SFMBT2: variants seen among roughly 807,000 people sequenced by gnomAD.
SFMBT2 encodes the protein Scm like with four mbt domains 2.
In SFMBT2, 38 loss-of-function variants were observed where a neutral mutation model predicts 110.1. That is an observed-to-expected ratio of 0.35 (90% CI 0.27 to 0.45). SFMBT2 has a LOEUF of 0.45. Ranked by LOEUF, SFMBT2 falls within the 20% of genes least tolerant of loss-of-function variation. The probability of loss-of-function intolerance (pLI) is 1.00; values close to 1 mark genes in which losing one functional copy is unlikely to be tolerated. For missense variants in SFMBT2, 1,011 were observed against 1,094.9 expected (o/e 0.92, Z 1.08); for synonymous variants, 425 against 425.4 (o/e 1.00, Z 0.01).
chr10:7,399,853 T>C (rs535904454), intron 1 of SFMBT2, among the ~76,000 whole-genome samples: 1 of 152,332 alleles, frequency 6.6e-6, no homozygotes, highest in East Asian at 1.9e-4. Context: ...TCCACTCACC[T>C]TCCTTGTTAA....
intron 1 of SFMBT2, among the ~76,000 whole-genome samples, chr10:7,384,238 A>AAAAAAAAAAAAAAAAAAAT (rs1554812962): frequency 6.9e-6 from 1 of 145,412 alleles, no homozygotes. Flanking sequence ...AAAAAAAAAA[A>AAAAAAAAAAAAAAAAAAAT]CAACCACAGA....
At position 7,206,343 on chromosome 10, in the gene SFMBT2, C is replaced by T. The variant is rs1213172232; in HGVS notation, c.1331-415G>A. ...GGAGCTTGGGGTGGGACCTCAGGGC[C>T]CACATCTAAGCCTTCATGATATGCT... On this transcript the variant is annotated intron_variant, in intron 11 of 20. Transcript: ENST00000397167. 4.1e-6 allele frequency: 4 copies of T among 985,316 alleles called. No individual in the cohort carries two copies. The African/African-American group carries it at 5.2e-5, about 13-fold the overall frequency. The allele number at this position is 985,316 out of a possible 1,614,324, so 61.0% of individuals were successfully genotyped here.
chr10:7,396,753 T>C (rs1010173448), intron 1 of SFMBT2, among the ~76,000 whole-genome samples: 1 of 151,912 alleles, frequency 6.6e-6, no homozygotes, highest in Non-Finnish European at 1.5e-5. Flanking sequence ...TGTAGGGACA[T>C]GGATGAAGCT....
rs1841804767 is a variant in SFMBT2 at position 7,277,074 on chromosome 10, T to C, written c.773-85A>G. On this transcript the variant is annotated intron_variant, in intron 6 of 20. Transcript: ENST00000397167. The stretch of plus-strand genomic sequence containing the variant: ...TTTCCTGCATGCTAATTCCCAGGCT[T>C]TCCTGATACCTCAGCACGGTCAGTG... The C allele has an allele frequency of 3.9e-6, 3 of 768,252 alleles. No homozygotes were observed. In the Admixed American group the frequency reaches 5.2e-5, roughly 13 times the overall value. 47.6% of individuals were successfully genotyped at this position (768,252 alleles called of 1,614,324 possible). A position where few individuals can be genotyped will look rare whatever the true frequency, so the allele number is the denominator to read the frequency against.
At chr10:7,194,541 C>T (rs1037640453) in intron 15 of SFMBT2, among the ~76,000 whole-genome samples, 44 of 152,262 alleles carry the variant, frequency 2.9e-4, no homozygotes, top group African/African-American at 8.9e-4. Flanking sequence ...CTAATAACAC[C>T]GATGGCCAGG....
chr10:7,347,499 T>G (rs1040978493), intron 4 of SFMBT2, among the ~76,000 whole-genome samples: 1 of 151,780 alleles, frequency 6.6e-6, no homozygotes, highest in Non-Finnish European at 1.5e-5. Flanking sequence ...AGAGAATCCA[T>G]GAAGAAAGGA....
rs746237572 is a variant in SFMBT2, at chr10:7,161,869, C to A, written c.*1901G>T. 1 of 152,106 alleles carries A rather than the reference C, an allele frequency of 6.6e-6. No homozygotes were observed. The highest frequency in any genetic ancestry group is 1.5e-5 in the Non-Finnish European group (1 of 68,036). The allele number at this position is 152,106 out of a possible 1,614,324, so 9.4% of individuals were successfully genotyped here. A position where few individuals can be genotyped will look rare whatever the true frequency, so the allele number is the denominator to read the frequency against. ...AAATGCAAGCAGCTCATCAGCCCAC[C>A]GCAGAATTTTACTGGAACTGTGGAG... On this transcript the variant is annotated 3_prime_UTR_variant, in exon 21 of 21. Transcript: ENST00000397167.
intron 4 of SFMBT2, among the ~76,000 whole-genome samples, chr10:7,332,109 G>A (rs1843578521): frequency 6.6e-6 from 1 of 152,000 alleles, no homozygotes. Flanking sequence ...CGGAGTGATG[G>A]TCACCTATGG....
chr10:7,197,134 G>A (rs536952675), intron 15 of SFMBT2, among the ~76,000 whole-genome samples: 1 of 152,052 alleles, frequency 6.6e-6, no homozygotes, highest in African/African-American at 2.4e-5. Context: ...CCCGGCCAAG[G>A]AGCGCCATTC....
intron 2 of SFMBT2, among the ~76,000 whole-genome samples, chr10:7,381,011 C>T (rs868232249): frequency 6.6e-6 from 1 of 152,046 alleles, no homozygotes; most frequent in Admixed American, 6.6e-5. Context: ...ATTGCACCAC[C>T]GTACTCCAAC....
rs144449565 is a variant in SFMBT2 at position 7,397,752 on chromosome 10, T to C, written c.-52+13109A>G. Among the ~76,000 whole-genome samples the C allele has an allele frequency of 1.2e-4, 18 of 152,374 alleles. No individual in the cohort carries two copies. In the East Asian group the frequency reaches 3.5e-3, roughly 29 times the overall value. ...GGAAGAACCGCATCTGTAAATGGCT[T>C]TGAAGATGAAGCGCCGTGTTAAGTG... is the stretch of plus-strand genomic sequence containing the variant. On this transcript the variant is annotated intron_variant, in intron 1 of 20. Transcript: ENST00000397167.
rs1290464218 is a variant in SFMBT2, at chr10:7,334,183, A to G, written c.436+33466T>C. 2.0e-5 allele frequency among the ~76,000 whole-genome samples: 3 copies of G among 152,138 alleles called. No individual in the cohort carries two copies. The East Asian group carries it at 5.8e-4, about 29-fold the overall frequency. Reference sequence around the variant, plus strand: ...GAGGAAAAAGGCAAGCGTCATCCACAGCCGGCCTGGCCGCTGACAGCCAGG... The same window carrying G: ...GAGGAAAAAGGCAAGCGTCATCCACGGCCGGCCTGGCCGCTGACAGCCAGG... On this transcript the variant is annotated intron_variant, in intron 4 of 20. Coordinates refer to ENST00000397167, the MANE Select transcript of SFMBT2 (RefSeq NM_001387889.1).
At chr10:7,361,953 T>C (rs1844732878) in intron 4 of SFMBT2, among the ~76,000 whole-genome samples, 1 of 152,146 alleles carries the variant, frequency 6.6e-6, no homozygotes, top group South Asian at 2.1e-4. Context: ...TTTCAATAAA[T>C]AACAATGAAG....
chr10:7,257,997 T>G (rs529672157), intron 7 of SFMBT2, among the ~76,000 whole-genome samples: 19 of 152,202 alleles, frequency 1.2e-4, no homozygotes, highest in Middle Eastern at 3.2e-3. Flanking sequence ...AATGATGCAA[T>G]CAAGGCTTGC....
chr10:7,320,903 C>G (rs1843165568), intron 4 of SFMBT2, among the ~76,000 whole-genome samples: 1 of 152,158 alleles, frequency 6.6e-6, no homozygotes, highest in Admixed American at 6.5e-5. Context: ...CTGCCAACGG[C>G]CCAGTTCCTC....
chr10:7,241,352 T>G, intron 9 of SFMBT2: 1 of 981,262 alleles, frequency 1.0e-6, no homozygotes, highest in Non-Finnish European at 1.2e-6. Flanking sequence ...TAAAAAGAGT[T>G]ATAGTTTCTT....
chr10:7,163,675 C>T lies in SFMBT2; in HGVS notation c.*95G>A, dbSNP rs902060237. 7.1e-5 allele frequency: 81 copies of T among 1,134,144 alleles called. No individual in the cohort carries two copies. The highest frequency in any genetic ancestry group is 1.0e-4 in the Non-Finnish European group (78 of 777,204). The allele number at this position is 1,134,144 out of a possible 1,614,324, so 70.3% of individuals were successfully genotyped here. A position where few individuals can be genotyped will look rare whatever the true frequency, so the allele number is the denominator to read the frequency against. On this transcript the variant is annotated 3_prime_UTR_variant, in exon 21 of 21. Coordinates refer to ENST00000397167, the MANE Select transcript of SFMBT2 (RefSeq NM_001387889.1). This position sits in a 1 kb window ranked among gnomAD's most constrained non-coding sequence, Gnocchi z 4.8. ...TTTCTGGTGATACTTAGTGGCTGTA[C>T]CATTTAACATATCCCGGAAAATCAA...
chr10:7,253,661 C>T (rs1002049195), intron 7 of SFMBT2, among the ~76,000 whole-genome samples: 23 of 152,204 alleles, frequency 1.5e-4, no homozygotes, highest in African/African-American at 5.3e-4. Context: ...GAGGTTGCAG[C>T]ATCCAAACAC....
At chr10:7,299,273 A>T (rs2131877329) in intron 4 of SFMBT2, among the ~76,000 whole-genome samples, 1 of 152,374 alleles carries the variant, frequency 6.6e-6, no homozygotes, top group Non-Finnish European at 1.5e-5. Flanking sequence ...GCACAGCAAA[A>T]TAAACTATCA....
Sources: allele counts gnomAD v4.1 joint callset (sites outside exome capture counted in the v4.1 genomes callset), GRCh38; gene constraint gnomAD v4.1.1; non-coding constraint Gnocchi (gnomAD v3.1); transcripts MANE v1.5; gene names NCBI Gene and HGNC (gene_info 2026-07-23, HGNC 2026-07-21).